Variants in RCAN2 observed in about 807,000 individuals in gnomAD.
The protein encoded by RCAN2 is regulator of calcineurin 2.
Under a neutral mutation model 23.6 loss-of-function variants are expected in RCAN2, and 9 were observed. The ratio of observed to expected loss-of-function variants is 0.38; its 90% CI spans 0.23 to 0.67. The LOEUF (loss-of-function observed/expected upper bound fraction) is 0.67. RCAN2 is among the 30% of genes least tolerant of loss of function. The pLI is 0.51. For missense variants in RCAN2, 273 were observed against 302.3 expected (o/e 0.90, Z 0.72); for synonymous variants, 109 against 115.7 (o/e 0.94, Z 0.37).
At chr6:46,490,475 C>A (rs937020265) in intron 1 of RCAN2, among the ~76,000 whole-genome samples, 8 of 152,210 alleles carry the variant, frequency 5.3e-5, no homozygotes, top group African/African-American at 1.9e-4. Context: ...AACCGAGGCA[C>A]CCTGGAAACC....
intron 4 of RCAN2, among the ~76,000 whole-genome samples, chr6:46,225,062 T>G (rs1303754332): frequency 6.6e-6 from 1 of 152,144 alleles, no homozygotes; most frequent in East Asian, 1.9e-4. Context: ...GATAGTTTGC[T>G]GAGAATGATG....
At chr6:46,467,902 A>G (rs1236366652) in intron 1 of RCAN2, among the ~76,000 whole-genome samples, 1 of 152,214 alleles carries the variant, frequency 6.6e-6, no homozygotes, top group African/African-American at 2.4e-5. Context: ...CCAGCTCCTC[A>G]GCATTTGTGA....
intron 1 of RCAN2, among the ~76,000 whole-genome samples, chr6:46,487,084 A>G (rs1769013278): frequency 6.6e-6 from 1 of 152,262 alleles, no homozygotes; most frequent in Admixed American, 6.5e-5. Context: ...ATATCTGTGC[A>G]CAGACACACA....
At chr6:46,258,866 A>G (rs958436474) in intron 2 of RCAN2, among the ~76,000 whole-genome samples, 34 of 152,338 alleles carry the variant, frequency 2.2e-4, no homozygotes, top group African/African-American at 7.9e-4. Flanking sequence ...AAAATAACCC[A>G]AACACCTCCA....
chr6:46,455,880 GAAAGAA>G (rs1189794072), intron 2 of RCAN2, among the ~76,000 whole-genome samples: 21 of 136,582 alleles, frequency 1.5e-4, no homozygotes, highest in African/African-American at 5.9e-4. Context: ...AAGAAAGAAA[GAAAGAA>G]AAAGAAAAAG....
intron 2 of RCAN2, among the ~76,000 whole-genome samples, chr6:46,393,858 C>T (rs867374201): frequency 5.3e-5 from 8 of 152,136 alleles, no homozygotes; most frequent in Non-Finnish European, 1.0e-4. Flanking sequence ...TCCTCCGGGC[C>T]CTGTCTGCCA....
Position 46,362,356 on chromosome 6 carries a change from T to C in RCAN2, c.225+94396A>G, listed in dbSNP as rs113417297. On this transcript the variant is annotated intron_variant, in intron 2 of 4. Coordinates refer to ENST00000371374, the MANE Select transcript of RCAN2 (RefSeq NM_001251974.2). ...GCAAATTGTAGATGCTGTAAGATTA[T>C]AAGGTAATATGAGGTATTGGAGGTA... Among the ~76,000 whole-genome samples the C allele has an allele frequency of 3.4e-3, 519 of 152,198 alleles. 6 individuals carry two copies. Among genetic ancestry groups the C allele is most frequent in the African/African-American group, 0.011 (465 of 41,544 alleles).
intron 2 of RCAN2, among the ~76,000 whole-genome samples, chr6:46,298,393 T>A (rs1762787745): frequency 6.6e-6 from 1 of 152,078 alleles, no homozygotes. Flanking sequence ...GTGAGGGCAA[T>A]ATTGAGCAAA....
At chr6:46,297,417 C>A (rs949100709) in intron 2 of RCAN2, among the ~76,000 whole-genome samples, 5 of 152,074 alleles carry the variant, frequency 3.3e-5, no homozygotes, top group Admixed American at 3.3e-4. Flanking sequence ...TTTCCTGAAC[C>A]TCCAGAGGGT....
At chr6:46,455,565 A>C (rs1767993969) in intron 2 of RCAN2, among the ~76,000 whole-genome samples, 1 of 152,050 alleles carries the variant, frequency 6.6e-6, no homozygotes, top group Non-Finnish European at 1.5e-5. Context: ...TTTAGAAAAA[A>C]AAAAGCCTCA....
intron 2 of RCAN2, among the ~76,000 whole-genome samples, chr6:46,349,282 A>G (rs577934662): frequency 1.3e-5 from 2 of 152,196 alleles, no homozygotes. Context: ...AGACATTCAC[A>G]GATAACACAA....
intron 1 of RCAN2, among the ~76,000 whole-genome samples, chr6:46,474,337 G>A (rs1163773255): frequency 1.3e-5 from 2 of 152,086 alleles, no homozygotes; most frequent in Non-Finnish European, 2.9e-5. Context: ...GACACATGAG[G>A]CGGTGGGGAG....
chr6:46,416,428 A>G (rs1766716351), intron 2 of RCAN2, among the ~76,000 whole-genome samples: 1 of 150,866 alleles, frequency 6.6e-6, no homozygotes, highest in Non-Finnish European at 1.5e-5. Context: ...CATTTTTAAT[A>G]TAAAAATAAA....
At chr6:46,434,499 C>T (rs1177372831) in intron 2 of RCAN2, among the ~76,000 whole-genome samples, 1 of 152,144 alleles carries the variant, frequency 6.6e-6, no homozygotes, top group Admixed American at 6.5e-5. Context: ...TAAGCACAGA[C>T]TGCCCCAAAG....
intron 2 of RCAN2, among the ~76,000 whole-genome samples, chr6:46,391,295 C>A (rs1331088896): frequency 1.3e-5 from 2 of 152,148 alleles, no homozygotes; most frequent in Admixed American, 1.3e-4. Flanking sequence ...AGCAAACTAT[C>A]GCATGAAGAT....
chr6:46,345,083 C>T (rs1193808481), intron 2 of RCAN2, among the ~76,000 whole-genome samples: 3 of 151,562 alleles, frequency 2.0e-5, no homozygotes, highest in Admixed American at 1.3e-4. Flanking sequence ...AAAATATAAA[C>T]CTTACAAATA....
chr6:46,294,750 A>G (rs1023682902), intron 2 of RCAN2, among the ~76,000 whole-genome samples: 1 of 152,206 alleles, frequency 6.6e-6, no homozygotes, highest in African/African-American at 2.4e-5. Context: ...TAAAGCTGGA[A>G]GGAAATGTAC....
chr6:46,354,897 ATGTGTGTGTGTGTGTGTGTGTGTGTGTG>A (rs6149559), intron 2 of RCAN2, among the ~76,000 whole-genome samples: 5 of 144,642 alleles, frequency 3.5e-5, no homozygotes, highest in Admixed American at 2.1e-4. Context: ...AAGATTATAT[ATGTGTGTGTGTGTGTGTGTGTGTGTGTG>A]TGTGTGTGTG....
intron 2 of RCAN2, among the ~76,000 whole-genome samples, chr6:46,399,483 C>G (rs1292108793): frequency 6.6e-6 from 1 of 150,938 alleles, no homozygotes; most frequent in East Asian, 2.0e-4. Flanking sequence ...TTTCTCTGGA[C>G]TGCCTAACCA....
Sources: gnomAD v4.1 joint callset for allele counts (sites outside exome capture counted in the v4.1 genomes callset) on GRCh38, gnomAD v4.1.1 for gene constraint, MANE v1.5 for transcripts, NCBI Gene and HGNC (gene_info 2026-07-23, HGNC 2026-07-21) for gene names.